Variants in MMRN1 observed in about 807,000 individuals in gnomAD.
MMRN1 encodes multimerin-1.
In MMRN1, 94 loss-of-function variants were observed where a neutral mutation model predicts 100.7. The observed-to-expected ratio is 0.93, with a 90% CI of 0.79 to 1.11. The LOEUF (loss-of-function observed/expected upper bound fraction) is 1.11. MMRN1 is among the 50% of genes least tolerant of loss of function. The pLI is 0.00. For synonymous variants in MMRN1, 575 were observed against 505.0 expected (o/e 1.14, Z -1.86); for missense variants, 1,606 against 1,439.1 (o/e 1.12, Z -1.88).
At position 89,936,244 on chromosome 4, in the gene MMRN1, C is replaced by G; in HGVS notation, c.2564C>G (p.Ser855Cys). The change falls in exon 6 of 8, where the codon TCC becomes TGC. Residue 855 changes from serine (S) to cysteine (C), a missense_variant. Physicochemically the swap from Ser to Cys is moderately radical, Grantham distance 112. Transcript: ENST00000264790. The part of the protein sequence containing the change: ...EEKLLLTTKI[S>C]KNFETRLQDI... ...AAACTACTCTTAACTACCAAGATTTCCAAAAATTTTGAGACTCGGTTGCAA... is the reference window on the plus strand; with the variant it reads ...AAACTACTCTTAACTACCAAGATTTGCAAAAATTTTGAGACTCGGTTGCAA... 6.2e-7 allele frequency: 1 copy of G among 1,603,430 alleles called. No individual in the cohort carries two copies. Among genetic ancestry groups the G allele is most frequent in the Non-Finnish European group, 8.5e-7 (1 of 1,177,150 alleles).
At chr4:89,909,951 T>C (rs1424864793) in intron 2 of MMRN1, among the ~76,000 whole-genome samples, 2 of 151,394 alleles carry the variant, frequency 1.3e-5, no homozygotes, top group Non-Finnish European at 3.0e-5. Flanking sequence ...TCCTAAAAGA[T>C]GGGGCTGAGT....
At chr4:89,882,958 A>G (rs1437171838) in intron 1 of MMRN1, among the ~76,000 whole-genome samples, 1 of 152,024 alleles carries the variant, frequency 6.6e-6, no homozygotes, top group Non-Finnish European at 1.5e-5. Flanking sequence ...TCTGATTTCT[A>G]TCATTGTAAA....
At chr4:89,930,585 C>T (rs947530221) in intron 5 of MMRN1, among the ~76,000 whole-genome samples, 6 of 151,796 alleles carry the variant, frequency 4.0e-5, no homozygotes, top group African/African-American at 1.5e-4. Flanking sequence ...TAAAGAAGGT[C>T]GAATCTGAAC....
intron 1 of MMRN1, among the ~76,000 whole-genome samples, chr4:89,899,210 CT>C (rs113092285): frequency 1.7e-3 from 240 of 143,856 alleles, no homozygotes; most frequent in Non-Finnish European, 1.7e-3. Context: ...AGTTTTTCTT[CT>C]TTTTTTTTTT....
Position 89,921,176 on chromosome 4 carries a change from T to C in MMRN1, c.851-1992T>C, listed in dbSNP as rs2110611724. 2.0e-5 allele frequency among the ~76,000 whole-genome samples: 3 copies of C among 152,198 alleles called. 1 individual carries two copies. The Middle Eastern group carries it at 0.01, about 518-fold the overall frequency. On this transcript the variant is annotated intron_variant, in intron 3 of 7. Transcript: ENST00000264790. ...CACCAGCTCTTTTTTTTTCCTATGA[T>C]CTAGCCAAAAAGGTAAGCAGCAAAT...
At chr4:89,881,885 A>G (rs993811444) in intron 1 of MMRN1, among the ~76,000 whole-genome samples, 3 of 152,172 alleles carry the variant, frequency 2.0e-5, no homozygotes, top group African/African-American at 7.2e-5. Flanking sequence ...AAAATATTTC[A>G]GATGAATGTA....
chr4:89,901,752 T>C (rs866488899), intron 1 of MMRN1, among the ~76,000 whole-genome samples: 1 of 152,088 alleles, frequency 6.6e-6, no homozygotes, highest in African/African-American at 2.4e-5. Context: ...CATTCTTTAT[T>C]TCATTACTTT....
chr4:89,893,327 A>T (rs1031597056), upstream of MMRN1, among the ~76,000 whole-genome samples: 7 of 152,098 alleles, frequency 4.6e-5, no homozygotes, highest in Non-Finnish European at 8.8e-5. Context: ...TAGTAGGTCA[A>T]CAATACACTT....
rs1333745814 is a variant in MMRN1 at position 89,953,113 on chromosome 4, G to A, written c.3382G>A (p.Ala1128Thr). 1 of 1,613,792 alleles carries A rather than the reference G, an allele frequency of 6.2e-7. No individual in the cohort carries two copies. Among genetic ancestry groups the A allele is most frequent in the African/African-American group, 1.3e-5 (1 of 74,988 alleles). ...TAATAACTTGGATGTCAATTATGGA[G>A]CTTCATATACCCCAAGAACTGGAAA... ...LFNNLDVNYG[A>T]SYTPRTGKFR... is the part of the protein sequence containing the mutation. The change falls in exon 8 of 8, where the codon GCT becomes ACT. Residue 1128 changes from alanine to threonine, a missense_variant. Physicochemically the swap from Ala to Thr is moderately conservative, Grantham distance 58. Transcript: ENST00000264790.
Position 89,895,023 on chromosome 4 carries a change from A to G in MMRN1, c.52A>G (p.Ile18Val), listed in dbSNP as rs772520011. The change falls in exon 1 of 8, where the codon ATT becomes GTT. Residue 18 changes from isoleucine to valine, a missense_variant. Transcript: ENST00000264790. ...TCTTTCTAGTTTATGGAGTGGGGGC[A>G]TTGGGCTTAACAACAGTAAGCATTC... The part of the protein sequence containing the change: ...VLLSSLWSGG[I>V]GLNNSKHSWT... 1.9e-6 allele frequency: 3 copies of G among 1,613,862 alleles called. No individual in the cohort carries two copies. Among genetic ancestry groups the G allele is most frequent in the Non-Finnish European group, 2.5e-6 (3 of 1,179,822 alleles).
intron 4 of MMRN1, 150 bp from the exon 5 acceptor site, chr4:89,927,645 G>T: frequency 1.6e-6 from 1 of 627,426 alleles, no homozygotes; most frequent in Non-Finnish European, 2.7e-6. Flanking sequence ...AGCTTCTAGT[G>T]CTTTGTTGAA....
chr4:89,936,778 C>A lies in MMRN1; in HGVS notation c.3098C>A (p.Thr1033Lys), dbSNP rs188118445. The stretch of plus-strand genomic sequence containing the variant: ...CTGATAGGCCGGACTCAAAGAAACA[C>A]GGACAACATAATATATCCTGGTAAG... ...TVLIGRTQRN[T>K]DNIIYPEEYS... The change falls in exon 6 of 8, where the codon ACG becomes AAG. Residue 1033 changes from threonine to lysine, a missense_variant. By Grantham distance (78) the Thr-to-Lys change is moderately conservative. Coordinates refer to ENST00000264790, the MANE Select transcript of MMRN1 (RefSeq NM_007351.3). 6.3e-6 allele frequency: 10 copies of A among 1,597,234 alleles called. No individual in the cohort carries two copies. The highest frequency in any genetic ancestry group is 5.3e-5 in the Admixed American group (3 of 56,482).
Position 89,883,199 on chromosome 4 carries a change from G to A in MMRN1, c.-249+3597G>A, listed in dbSNP as rs150668066. Among the ~76,000 whole-genome samples the A allele has an allele frequency of 6.9e-3, 1,047 of 152,008 alleles. 12 individuals carry two copies. The highest frequency in any genetic ancestry group is 0.024 in the African/African-American group (1,005 of 41,474). The stretch of plus-strand genomic sequence containing the variant: ...TATTCTCTTATATTTGGGCTGTTAC[G>A]AATATTCTTGAACAAGTCTTTTTGT... On this transcript the variant is annotated intron_variant, in intron 1 of 8. Coordinates refer to the MMRN1 transcript ENST00000394980.
At chr4:89,929,076 C>T (rs1446928234) in intron 5 of MMRN1, among the ~76,000 whole-genome samples, 1 of 152,086 alleles carries the variant, frequency 6.6e-6, no homozygotes, top group Non-Finnish European at 1.5e-5. Flanking sequence ...TTGATGTTAA[C>T]CATGCAGAAA....
chr4:89,913,460 T>A (rs569694910), intron 3 of MMRN1, among the ~76,000 whole-genome samples: 24 of 151,452 alleles, frequency 1.6e-4, no homozygotes, highest in Non-Finnish European at 2.7e-4. Context: ...TTCAACCTTT[T>A]ATACTTAGGA....
rs184860714 is a variant in MMRN1 at position 89,946,906 on chromosome 4, T to C, written c.3119-4699T>C. 1.8e-3 allele frequency among the ~76,000 whole-genome samples: 272 copies of C among 152,186 alleles called. 1 individual carries two copies. Among genetic ancestry groups the C allele is most frequent in the Non-Finnish European group, 3.1e-3 (212 of 68,000 alleles). ...AGAACTATTGAACTAATTGCACTGA[T>C]CTCCATTAAAAAAAATGGACAGGAA... is the stretch of plus-strand genomic sequence containing the variant. On this transcript the variant is annotated intron_variant, in intron 6 of 7. Transcript: ENST00000264790.
chr4:89,945,862 T>A (rs1250407971), intron 6 of MMRN1, among the ~76,000 whole-genome samples: 1 of 152,086 alleles, frequency 6.6e-6, no homozygotes, highest in Admixed American at 6.6e-5. Context: ...AAGAAACAAT[T>A]GGTGTGATAT....
At chr4:89,902,692 T>C (rs186505570) in intron 1 of MMRN1, among the ~76,000 whole-genome samples, 1 of 151,954 alleles carries the variant, frequency 6.6e-6, no homozygotes, top group Non-Finnish European at 1.5e-5. Context: ...AATAAAATTA[T>C]GCCTGACAAA....
At chr4:89,915,051 C>T (rs1560586512) in intron 3 of MMRN1, among the ~76,000 whole-genome samples, 1 of 151,518 alleles carries the variant, frequency 6.6e-6, no homozygotes, top group Non-Finnish European at 1.5e-5. Context: ...CTGAAATAAA[C>T]TGGCCCCTAC....
Sources: gnomAD v4.1 joint callset for allele counts (sites outside exome capture counted in the v4.1 genomes callset) on GRCh38, gnomAD v4.1.1 for gene constraint, MANE v1.5 for transcripts, NCBI Gene and HGNC (gene_info 2026-07-23, HGNC 2026-07-21) for gene names.